ISM1: variants seen among roughly 807,000 people sequenced by gnomAD.
ISM1 encodes isthmin-1.
ISM1 carries 25 observed loss-of-function variants against 46.3 expected under a neutral mutation model. The ratio of observed to expected loss-of-function variants is 0.54; its 90% CI spans 0.39 to 0.75. The LOEUF (loss-of-function observed/expected upper bound fraction) is 0.75, where lower values mean the gene tolerates loss of function less well. Among genes scored for constraint, ISM1 ranks in the 30% least tolerant of loss-of-function variants. The probability of loss-of-function intolerance (pLI) is 0.00; values close to 1 mark genes in which losing one functional copy is unlikely to be tolerated. For missense variants in ISM1, 536 were observed against 625.4 expected, an observed-to-expected ratio of 0.86 and a Z score of 1.52; for synonymous variants, 255 against 256.7, an observed-to-expected ratio of 0.99 and a Z score of 0.06.
At chr20:13,318,527 C>G in the ISM1 span, among the ~76,000 whole-genome samples, 3 of 152,180 alleles carry the variant, frequency 2.0e-5, no homozygotes, top group Admixed American at 2.0e-4. Context: ...AACAAAAAAA[C>G]CTGCACACAG....
chr20:13,314,495 A>G, the ISM1 span, among the ~76,000 whole-genome samples: 1 of 151,678 alleles, frequency 6.6e-6, no homozygotes. Flanking sequence ...TGAGAGAGAG[A>G]AAAAAAACCA....
chr20:13,325,739 T>C, the ISM1 span, among the ~76,000 whole-genome samples: 17,258 of 152,246 alleles, frequency 0.11, 1,384 homozygotes, highest in Non-Finnish European at 0.17. Context: ...GGTTCATCCA[T>C]TTGAACCTGA....
chr20:13,231,539 A>G (rs2039588198), intron 1 of ISM1, among the ~76,000 whole-genome samples: 1 of 152,198 alleles, frequency 6.6e-6, no homozygotes, highest in South Asian at 2.1e-4. Context: ...ACTCCCTGTG[A>G]GGCATCAACT....
the ISM1 span, among the ~76,000 whole-genome samples, chr20:13,316,836 C>T: frequency 7.3e-5 from 11 of 151,716 alleles, no homozygotes; most frequent in Admixed American, 4.6e-4. Flanking sequence ...TAATACTTAG[C>T]GGTAAGAAAC....
the ISM1 span, among the ~76,000 whole-genome samples, chr20:13,326,647 C>A: frequency 3.6e-4 from 55 of 152,268 alleles, 2 homozygotes; most frequent in South Asian, 0.011. Context: ...CTTTGCCTTT[C>A]ATAAATCCTT....
Position 13,293,989 on chromosome 20 carries a change from G to GA in ISM1, c.877+1531dup, listed in dbSNP as rs1304728170. On this transcript the variant is annotated intron_variant, in intron 5 of 5. Transcript: ENST00000262487. ...AACTCCATCTCAAAAAAAAAAGAAA[G>GA]AAAAAGAAAAAAAAGAAAAGAAACA... 1.3e-4 allele frequency among the ~76,000 whole-genome samples: 20 copies of GA among 151,562 alleles called. No individual in the cohort carries two copies. In the South Asian group the frequency reaches 4.2e-3, roughly 32 times the overall value.
chr20:13,269,934 AGGATGGATGGATGGAT>A (rs60897306), intron 1 of ISM1, among the ~76,000 whole-genome samples: 4 of 149,798 alleles, frequency 2.7e-5, no homozygotes, highest in African/African-American at 7.4e-5. Context: ...TGTGGGTGGA[AGGATGGATGGATGGAT>A]GGATGGATGG....
intron 1 of ISM1, among the ~76,000 whole-genome samples, chr20:13,257,666 T>C (rs2039943201): frequency 6.6e-6 from 1 of 151,540 alleles, no homozygotes; most frequent in Non-Finnish European, 1.5e-5. Context: ...ACTGCACAAG[T>C]AAAGCAGTGT....
At chr20:13,224,988 G>T (rs927328106) in intron 1 of ISM1, among the ~76,000 whole-genome samples, 1 of 151,264 alleles carries the variant, frequency 6.6e-6, no homozygotes, top group African/African-American at 2.4e-5. Flanking sequence ...TGGGACTACA[G>T]GCGCCTGCCA....
intron 1 of ISM1, among the ~76,000 whole-genome samples, chr20:13,227,570 G>A (rs185604476): frequency 1.9e-3 from 285 of 146,558 alleles, no homozygotes; most frequent in Middle Eastern, 3.7e-3. Flanking sequence ...GTGCAGTGGC[G>A]CGATCTTGGC....
At chr20:13,224,103 T>C (rs1460775867) in intron 1 of ISM1, among the ~76,000 whole-genome samples, 2 of 152,062 alleles carry the variant, frequency 1.3e-5, no homozygotes, top group African/African-American at 4.8e-5. Context: ...CTCCTAGAAA[T>C]ATCTTGAGTC....
At chr20:13,231,197 CA>C (rs2039583964) in intron 1 of ISM1, among the ~76,000 whole-genome samples, 1 of 152,142 alleles carries the variant, frequency 6.6e-6, no homozygotes, top group Non-Finnish European at 1.5e-5. Context: ...AGGAAGTCTC[CA>C]GAAGGGTAAC....
intron 1 of ISM1, among the ~76,000 whole-genome samples, chr20:13,252,203 C>G (rs2039875570): frequency 6.6e-6 from 1 of 152,160 alleles, no homozygotes; most frequent in Non-Finnish European, 1.5e-5. Context: ...CGAGCAAGTG[C>G]ACAAGGGAGA....
At chr20:13,261,702 A>G (rs1475592825) in intron 1 of ISM1, among the ~76,000 whole-genome samples, 1 of 152,222 alleles carries the variant, frequency 6.6e-6, no homozygotes, top group African/African-American at 2.4e-5. Flanking sequence ...AACCCATTTT[A>G]GAAGTACTTG....
chr20:13,311,166 C>G, the ISM1 span, among the ~76,000 whole-genome samples: 1 of 151,394 alleles, frequency 6.6e-6, no homozygotes, highest in South Asian at 2.1e-4. Context: ...TGCACTCCAG[C>G]CTGGGCAACA....
chr20:13,257,076 C>T (rs1229757638), intron 1 of ISM1, among the ~76,000 whole-genome samples: 11 of 152,172 alleles, frequency 7.2e-5, no homozygotes, highest in Non-Finnish European at 2.9e-5. Context: ...CACACAGATG[C>T]TACCCATTTT....
chr20:13,302,113 G>T (rs1188546758), downstream of ISM1, among the ~76,000 whole-genome samples: 1 of 152,214 alleles, frequency 6.6e-6, no homozygotes, highest in African/African-American at 2.4e-5. Context: ...CATGTCTAAG[G>T]TATTTTTGTT....
Position 13,299,551 on chromosome 20 carries a change from C to G in ISM1, c.*92C>G. The stretch of plus-strand genomic sequence containing the variant: ...CCGACTGGCGCCGAGACCTTCATAG[C>G]TGCGGTCGTGTATATTTGTATATAC... On this transcript the variant is annotated 3_prime_UTR_variant, in exon 6 of 6. Transcript: ENST00000262487. The surrounding 1 kb of genome is among the most constrained non-coding windows in gnomAD (Gnocchi z 5.8). The G allele has an allele frequency of 2.6e-6, 3 of 1,173,358 alleles. No homozygotes were observed. Among genetic ancestry groups the G allele is most frequent in the Admixed American group, 4.3e-5 (2 of 46,498 alleles). 72.7% of individuals were successfully genotyped at this position (1,173,358 alleles called of 1,614,324 possible). A position where few individuals can be genotyped will look rare whatever the true frequency, so the allele number is the denominator to read the frequency against.
chr20:13,226,333 A>C (rs2039525073), intron 1 of ISM1, among the ~76,000 whole-genome samples: 1 of 152,228 alleles, frequency 6.6e-6, no homozygotes, highest in South Asian at 2.1e-4. Context: ...TACTTAATAC[A>C]AGAAAGTCAA....
Sources: allele counts gnomAD v4.1 joint callset (sites outside exome capture counted in the v4.1 genomes callset), GRCh38; gene constraint gnomAD v4.1.1; non-coding constraint Gnocchi (gnomAD v3.1); transcripts MANE v1.5; gene names NCBI Gene and HGNC (gene_info 2026-07-23, HGNC 2026-07-21).